CYB5R4: variants seen among roughly 807,000 people sequenced by gnomAD.
CYB5R4 encodes cytochrome b5 reductase 4.
In CYB5R4, 55 loss-of-function variants were observed where a neutral mutation model predicts 70.2. The ratio of observed to expected loss-of-function variants is 0.78; its 90% CI spans 0.63 to 0.98. The LOEUF is 0.98. Ranked by LOEUF, CYB5R4 falls within the 50% of genes least tolerant of loss-of-function variation. CYB5R4 has a pLI of 0.00. For missense variants in CYB5R4, 562 were observed against 612.6 expected, an observed-to-expected ratio of 0.92 and a Z score of 0.87; for synonymous variants, 197 against 199.5, an observed-to-expected ratio of 0.99 and a Z score of 0.11.
At chr6:83,917,193 A>G (rs1025095388) in intron 5 of CYB5R4, among the ~76,000 whole-genome samples, 2 of 152,240 alleles carry the variant, frequency 1.3e-5, no homozygotes, top group Non-Finnish European at 2.9e-5. Flanking sequence ...ACAAGAATGC[A>G]TACCCACAAG....
chr6:83,942,686 C>T (rs899342621), intron 14 of CYB5R4, among the ~76,000 whole-genome samples: 9 of 152,106 alleles, frequency 5.9e-5, no homozygotes, highest in East Asian at 3.9e-4. Context: ...CCCACCCCAA[C>T]GGAGCCCAGC....
chr6:83,867,239 A>G (rs1020938911), intron 2 of CYB5R4, among the ~76,000 whole-genome samples: 18 of 152,300 alleles, frequency 1.2e-4, no homozygotes, highest in Non-Finnish European at 1.9e-4. Flanking sequence ...CAGGATTTCA[A>G]TAGGAAATGA....
chr6:83,881,588 A>G (rs1162527996), intron 2 of CYB5R4, among the ~76,000 whole-genome samples: 2 of 152,182 alleles, frequency 1.3e-5, no homozygotes, highest in Non-Finnish European at 2.9e-5. Context: ...ATTGTTTTTT[A>G]TGGAAGTTCC....
intron 3 of CYB5R4, among the ~76,000 whole-genome samples, chr6:83,907,093 T>C (rs2099463893): frequency 6.6e-6 from 1 of 152,178 alleles, no homozygotes; most frequent in East Asian, 1.9e-4. Context: ...AGTCCTTTTT[T>C]TTCAAACAGG....
rs1465953532 is a variant in CYB5R4 at position 83,962,309 on chromosome 6, G to GA, written c.*2437dup. 6.6e-6 allele frequency: 1 copy of GA among 152,016 alleles called. No homozygotes were observed. The highest frequency in any genetic ancestry group is 1.5e-5 in the Non-Finnish European group (1 of 68,014). 9.4% of individuals were successfully genotyped at this position (152,016 alleles called of 1,614,324 possible). A position where few individuals can be genotyped will look rare whatever the true frequency, so the allele number is the denominator to read the frequency against. ...CAGGGTATTCTAGAAGGACTTGGAG[G>GA]AAAAAATCCCCTAAGTAGAGCCTCA... On this transcript the variant is annotated 3_prime_UTR_variant, in exon 16 of 16. Coordinates refer to ENST00000369681, the MANE Select transcript of CYB5R4 (RefSeq NM_016230.4).
chr6:83,919,542 T>C (rs538017069), intron 7 of CYB5R4, 88 bp downstream of exon 7: 15 of 601,794 alleles, frequency 2.5e-5, no homozygotes, highest in Admixed American at 7.4e-5. Flanking sequence ...TTTTATATTA[T>C]TTACTTCTCA....
chr6:83,911,333 C>G (rs2099464650), intron 4 of CYB5R4, among the ~76,000 whole-genome samples: 1 of 151,936 alleles, frequency 6.6e-6, no homozygotes, highest in African/African-American at 2.4e-5. Context: ...GGAGGAATTT[C>G]TAGAGGAAAA....
chr6:83,871,847 TC>T (rs2099457689), intron 2 of CYB5R4, among the ~76,000 whole-genome samples: 1 of 152,138 alleles, frequency 6.6e-6, no homozygotes, highest in Non-Finnish European at 1.5e-5. Flanking sequence ...CCTTTTTCAT[TC>T]CTGGTGTTGC....
At chr6:83,947,023 A>G (rs1359540573) in intron 14 of CYB5R4, among the ~76,000 whole-genome samples, 1 of 152,156 alleles carries the variant, frequency 6.6e-6, no homozygotes, top group Non-Finnish European at 1.5e-5. Context: ...TCAAGCTACC[A>G]TTGACTTTCT....
At chr6:83,891,362 A>G (rs2099461096) in intron 2 of CYB5R4, among the ~76,000 whole-genome samples, 1 of 152,242 alleles carries the variant, frequency 6.6e-6, no homozygotes, top group South Asian at 2.1e-4. Context: ...CACCTGTATA[A>G]TAAAGCACGA....
At chr6:83,921,317 T>C (rs2099466341) in intron 8 of CYB5R4, 142 bp downstream of exon 8, 2 of 722,190 alleles carry the variant, frequency 2.8e-6, no homozygotes, top group African/African-American at 1.9e-5. Context: ...TTTTTTCCTG[T>C]AATTTCTTTA....
chr6:83,862,090 C>T (rs2099456038), intron 1 of CYB5R4, among the ~76,000 whole-genome samples: 1 of 152,126 alleles, frequency 6.6e-6, no homozygotes, highest in Admixed American at 6.5e-5. Flanking sequence ...AGTCTGTTTC[C>T]TCAGATGTAA....
chr6:83,902,509 T>C (rs1246838797), intron 3 of CYB5R4, among the ~76,000 whole-genome samples: 1 of 152,190 alleles, frequency 6.6e-6, no homozygotes, highest in African/African-American at 2.4e-5. Context: ...TCTAGTGGGT[T>C]TTTGGTTCCA....
chr6:83,891,361 A>G (rs2099461095), intron 2 of CYB5R4, among the ~76,000 whole-genome samples: 1 of 152,252 alleles, frequency 6.6e-6, no homozygotes, highest in Admixed American at 6.5e-5. Context: ...ACACCTGTAT[A>G]ATAAAGCACG....
At chr6:83,940,299 C>T (rs1379189697) in intron 13 of CYB5R4, 93 bp downstream of exon 13, 58 of 1,220,408 alleles carry the variant, frequency 4.8e-5, no homozygotes, top group Non-Finnish European at 5.9e-5. Flanking sequence ...CCTTAATAGA[C>T]ATGTTACCAT....
At chr6:83,920,981 A>G in intron 7 of CYB5R4, 101 bp from the exon 8 acceptor site, 1 of 821,680 alleles carries the variant, frequency 1.2e-6, no homozygotes, top group Non-Finnish European at 1.7e-6. Flanking sequence ...TCAATAAAGA[A>G]GCACCGTATG....
intron 9 of CYB5R4, 64 bp downstream of exon 9, chr6:83,922,534 G>T: frequency 1.7e-6 from 2 of 1,180,424 alleles, no homozygotes; most frequent in South Asian, 2.7e-5. Context: ...CAGAGAGAGA[G>T]ATACGAAAAA....
intron 15 of CYB5R4, among the ~76,000 whole-genome samples, chr6:83,959,040 A>G (rs1415676103): frequency 1.3e-5 from 2 of 152,112 alleles, no homozygotes; most frequent in Non-Finnish European, 2.9e-5. Context: ...AATAAAGGGG[A>G]AAAAAATCAA....
intron 14 of CYB5R4, among the ~76,000 whole-genome samples, chr6:83,941,935 A>G (rs1007460688): frequency 1.3e-5 from 2 of 152,306 alleles, no homozygotes; most frequent in South Asian, 4.1e-4. Flanking sequence ...TTTATTCACA[A>G]ATTACTTACC....
Sources: allele counts gnomAD v4.1 joint callset (sites outside exome capture counted in the v4.1 genomes callset), GRCh38; gene constraint gnomAD v4.1.1; transcripts MANE v1.5; gene names NCBI Gene and HGNC (gene_info 2026-07-23, HGNC 2026-07-21).